SAMD4A: variants seen among roughly 807,000 people sequenced by gnomAD.
SAMD4A encodes protein Smaug homolog 1.
Under a neutral mutation model 81.3 loss-of-function variants are expected in SAMD4A, and 33 were observed. That is an observed-to-expected ratio of 0.41 (90% CI 0.31 to 0.54). The LOEUF (loss-of-function observed/expected upper bound fraction) is 0.54. Among genes scored for constraint, SAMD4A ranks in the 20% least tolerant of loss-of-function variants. SAMD4A has a pLI of 0.37. For missense variants in SAMD4A, 854 were observed against 951.1 expected, an observed-to-expected ratio of 0.90 and a Z score of 1.34; for synonymous variants, 389 against 382.1, an observed-to-expected ratio of 1.02 and a Z score of -0.21.
In SAMD4A at chr14:54,765,346, G is replaced by T. The variant is rs544360466; in HGVS notation, c.1596+806G>T. Reference sequence around the variant, plus strand: ...GTGAGAATAAGATAGTAAGGGGGCCGGGGTGGTGGGTCACACCTGTAATCC... The same window carrying T: ...GTGAGAATAAGATAGTAAGGGGGCCTGGGTGGTGGGTCACACCTGTAATCC... On this transcript the variant is annotated intron_variant, in intron 8 of 12. Transcript: ENST00000554335. Among the ~76,000 whole-genome samples, 9 of 152,198 alleles carry T rather than the reference G, an allele frequency of 5.9e-5. No individual in the cohort carries two copies. The East Asian group carries it at 9.6e-4, about 16-fold the overall frequency.
intron 4 of SAMD4A, among the ~76,000 whole-genome samples, chr14:54,747,502 G>T (rs1246043615): frequency 6.6e-6 from 1 of 152,192 alleles, no homozygotes; most frequent in Non-Finnish European, 1.5e-5. Flanking sequence ...AAATTGGAAG[G>T]TGCTCGCTTG....
chr14:54,734,483 T>C (rs978507197), intron 3 of SAMD4A, among the ~76,000 whole-genome samples: 1 of 152,248 alleles, frequency 6.6e-6, no homozygotes, highest in Non-Finnish European at 1.5e-5. Context: ...ATAATTGATG[T>C]TTCCTTAGAG....
chr14:54,624,918 G>A (rs945694834), intron 2 of SAMD4A, among the ~76,000 whole-genome samples: 8 of 152,188 alleles, frequency 5.3e-5, no homozygotes, highest in Admixed American at 2.0e-4. Context: ...CTTTGCAAAT[G>A]TAGGGATTTT....
chr14:54,688,179 T>C (rs2036329487), intron 2 of SAMD4A: 1 of 985,374 alleles, frequency 1.0e-6, no homozygotes, highest in Non-Finnish European at 1.2e-6. Flanking sequence ...CTCAGCAAAA[T>C]ATTATGGTCC....
chr14:54,724,008 G>GGAAGGAAGGAAGGAA (rs748583107), intron 3 of SAMD4A, among the ~76,000 whole-genome samples: 5,271 of 39,024 alleles, frequency 0.14, 155 homozygotes, highest in Admixed American at 0.2. Context: ...ATGGATGGAT[G>GGAAGGAAGGAAGGAA]GAAGGAAGGA....
At chr14:54,685,335 A>T (rs756273655) in intron 2 of SAMD4A, among the ~76,000 whole-genome samples, 4 of 147,302 alleles carry the variant, frequency 2.7e-5, no homozygotes, top group Admixed American at 1.4e-4. Context: ...GAGACCTCAT[A>T]CAAGTGGAGT....
intron 2 of SAMD4A, 76 bp from the exon 3 acceptor site, chr14:54,701,986 A>G: frequency 6.8e-7 from 1 of 1,478,710 alleles, no homozygotes. Flanking sequence ...TAATCCATAA[A>G]AATTCTCTTT....
At chr14:54,784,928 G>T (rs185324529) in intron 12 of SAMD4A, among the ~76,000 whole-genome samples, 1 of 152,180 alleles carries the variant, frequency 6.6e-6, no homozygotes, top group African/African-American at 2.4e-5. Flanking sequence ...TCACACCACA[G>T]CAGTTGTCCC....
At chr14:54,713,010 C>G (rs2037029922) in intron 3 of SAMD4A, among the ~76,000 whole-genome samples, 1 of 152,040 alleles carries the variant, frequency 6.6e-6, no homozygotes, top group African/African-American at 2.4e-5. Flanking sequence ...GCCCTGTAGT[C>G]TTATGATTTC....
intron 2 of SAMD4A, among the ~76,000 whole-genome samples, chr14:54,637,952 A>G (rs1334889589): frequency 6.6e-6 from 1 of 152,200 alleles, no homozygotes; most frequent in African/African-American, 2.4e-5. Flanking sequence ...CTCTGCTAAC[A>G]CATTGCTCTT....
chr14:54,676,303 T>C (rs1314175295), intron 2 of SAMD4A, among the ~76,000 whole-genome samples: 2 of 152,248 alleles, frequency 1.3e-5, no homozygotes, highest in Non-Finnish European at 2.9e-5. Context: ...GGTATTGGTT[T>C]CAAACAAGAT....
chr14:54,653,889 G>A (rs929287641), intron 2 of SAMD4A, among the ~76,000 whole-genome samples: 6 of 152,072 alleles, frequency 3.9e-5, no homozygotes, highest in South Asian at 2.1e-4. Flanking sequence ...TGTCTTAGCC[G>A]GGGAATCTTA....
intron 11 of SAMD4A, among the ~76,000 whole-genome samples, chr14:54,777,466 C>T (rs2038884940): frequency 6.6e-6 from 1 of 152,196 alleles, no homozygotes; most frequent in Non-Finnish European, 1.5e-5. Context: ...CAGAATACCA[C>T]AGCATGGCCC....
At chr14:54,715,525 AT>A (rs2037097615) in intron 3 of SAMD4A, among the ~76,000 whole-genome samples, 1 of 152,152 alleles carries the variant, frequency 6.6e-6, no homozygotes, top group Non-Finnish European at 1.5e-5. Context: ...GGTCCCCCTA[AT>A]TTTAAAAAAG....
At chr14:54,787,574 A>G (rs2039172473) in intron 12 of SAMD4A, among the ~76,000 whole-genome samples, 1 of 152,198 alleles carries the variant, frequency 6.6e-6, no homozygotes, top group South Asian at 2.1e-4. Flanking sequence ...CTGGTGGACC[A>G]GTTCTGTAAT....
rs2038915095 is a variant in SAMD4A at position 54,778,386 on chromosome 14, T to C, written c.2044+1846T>C. Reference sequence around the variant, plus strand: ...ACAGCAATGCCAAGTGGCTGGCTTGTGCTCAGGGCAACTATGAACCTAATA... The same window carrying C: ...ACAGCAATGCCAAGTGGCTGGCTTGCGCTCAGGGCAACTATGAACCTAATA... On this transcript the variant is annotated intron_variant, in intron 11 of 12. Coordinates refer to ENST00000554335, the MANE Select transcript of SAMD4A (RefSeq NM_015589.6). Among the ~76,000 whole-genome samples, 4 of 152,386 alleles carry C rather than the reference T, an allele frequency of 2.6e-5. No homozygotes were observed. In the South Asian group the frequency reaches 8.3e-4, roughly 32 times the overall value.
At chr14:54,605,351 T>C (rs1476795479) in intron 2 of SAMD4A, among the ~76,000 whole-genome samples, 1 of 152,212 alleles carries the variant, frequency 6.6e-6, no homozygotes, top group Non-Finnish European at 1.5e-5. Context: ...TAGCAGTATT[T>C]CCTGGGTGCA....
intron 2 of SAMD4A, among the ~76,000 whole-genome samples, chr14:54,585,955 A>T (rs1405345194): frequency 6.6e-6 from 1 of 152,058 alleles, no homozygotes; most frequent in Non-Finnish European, 1.5e-5. Flanking sequence ...GTAGATACCT[A>T]CCCAGAGATT....
At chr14:54,787,780 G>A (rs1176813703) in intron 12 of SAMD4A, among the ~76,000 whole-genome samples, 2 of 152,182 alleles carry the variant, frequency 1.3e-5, no homozygotes, top group Non-Finnish European at 2.9e-5. Flanking sequence ...TGGTCCACCT[G>A]CCACCAGCCT....
Sources: gnomAD v4.1 joint callset for allele counts (sites outside exome capture counted in the v4.1 genomes callset) on GRCh38, gnomAD v4.1.1 for gene constraint, MANE v1.5 for transcripts, NCBI Gene and HGNC (gene_info 2026-07-23, HGNC 2026-07-21) for gene names.